Variants in MREG observed in about 807,000 individuals in gnomAD.
The protein encoded by MREG is melanoregulin, also known as dilute suppressor protein homolog.
Under a neutral mutation model 28.5 loss-of-function variants are expected in MREG, and 31 were observed. That is an observed-to-expected ratio of 1.09 (90% CI 0.82 to 1.47). The LOEUF is 1.47. MREG is among the 40% of genes most tolerant of loss of function. MREG has a pLI of 0.00. For synonymous variants in MREG, 106 were observed against 95.2 expected, an observed-to-expected ratio of 1.11 and a Z score of -0.66; for missense variants, 256 against 257.4, an observed-to-expected ratio of 0.99 and a Z score of 0.04.
chr2:216,032,881 T>G (rs1481417075), exon 1 of MREG: 1 of 146,106 alleles, frequency 6.8e-6, no homozygotes, highest in African/African-American at 2.4e-5. Flanking sequence ...AAACAAGGAG[T>G]GCAGAAGAAA....
At position 215,975,008 on chromosome 2, in the gene MREG, T is replaced by TTTTATATATATATATATATATATA. The variant is rs143806765; in HGVS notation, c.255+21297_255+21298insTATATATATATATATATATATAAA. 1.6e-4 allele frequency among the ~76,000 whole-genome samples: 17 copies of TTTTATATATATATATATATATATA among 106,604 alleles called. 1 individual carries two copies. Among genetic ancestry groups the TTTTATATATATATATATATATATA allele is most frequent in the African/African-American group, 2.2e-4 (7 of 31,706 alleles). 69.9% of individuals were successfully genotyped at this position (106,604 alleles called of 152,430 possible). A position where few individuals can be genotyped will look rare whatever the true frequency, so the allele number is the denominator to read the frequency against. On this transcript the variant is annotated intron_variant, in intron 2 of 4. Coordinates refer to ENST00000263268, the MANE Select transcript of MREG (RefSeq NM_018000.3). ...GGGAGAGAATTTTATTTTATATGAA[T>TTTTATATATATATATATATATATA]TATATATATATATATATATGAAATA...
chr2:216,032,246 C>T lies in MREG; in HGVS notation c.-68+543G>A, dbSNP rs534230632. Among the ~76,000 whole-genome samples, 7 of 152,338 alleles carry T rather than the reference C, an allele frequency of 4.6e-5. No individual in the cohort carries two copies. The East Asian group carries it at 1.4e-3, about 29-fold the overall frequency. Reference sequence around the variant, plus strand: ...ACAAACTCTGACTAAACTTGTAACTCAGTCCAGAGAAATGAAAACAAAAGC... The same window carrying T: ...ACAAACTCTGACTAAACTTGTAACTTAGTCCAGAGAAATGAAAACAAAAGC... On this transcript the variant is annotated intron_variant, in intron 1 of 3. Transcript: ENST00000420348.
At chr2:215,992,030 G>T (rs1693733680) in intron 2 of MREG, among the ~76,000 whole-genome samples, 1 of 152,108 alleles carries the variant, frequency 6.6e-6, no homozygotes, top group Admixed American at 6.5e-5. Flanking sequence ...GAGGGACTCT[G>T]CCCTAACTCA....
intron 1 of MREG, among the ~76,000 whole-genome samples, chr2:216,030,800 T>TG (rs1322252339): frequency 6.6e-6 from 1 of 150,898 alleles, no homozygotes; most frequent in African/African-American, 2.4e-5. Context: ...TGACCTCAGG[T>TG]GATCTGCCTG....
chr2:215,957,693 C>T (rs1040149257), intron 2 of MREG, among the ~76,000 whole-genome samples: 2 of 152,084 alleles, frequency 1.3e-5, no homozygotes, highest in Non-Finnish European at 2.9e-5. Context: ...GAAGACTTAC[C>T]TAAGGTACCT....
Position 215,958,269 on chromosome 2 carries a change from AAAATAAAT to A in MREG, c.256-11164_256-11157del, listed in dbSNP as rs536690921. ...CTTAAAGTATAATAATAATAAAATA[AAAATAAAT>A]AAATAAATAAATAAATAAATAAAAT... On this transcript the variant is annotated intron_variant, in intron 2 of 4. Transcript: ENST00000263268. 6.1e-3 allele frequency among the ~76,000 whole-genome samples: 913 copies of A among 150,304 alleles called. 12 individuals carry two copies. The highest frequency in any genetic ancestry group is 0.02 in the African/African-American group (803 of 40,978).
At chr2:215,981,558 G>A (rs1185050742) in intron 2 of MREG, among the ~76,000 whole-genome samples, 1 of 152,138 alleles carries the variant, frequency 6.6e-6, no homozygotes. Flanking sequence ...TTCTGGAGAT[G>A]CATAATGGTG....
intron 2 of MREG, among the ~76,000 whole-genome samples, chr2:215,952,345 G>A (rs760765623): frequency 1.3e-5 from 2 of 151,558 alleles, no homozygotes; most frequent in African/African-American, 2.4e-5. Context: ...ACGTGAACGC[G>A]CACACACACA....
chr2:216,005,937 A>T (rs971387437), intron 1 of MREG, among the ~76,000 whole-genome samples: 2 of 151,930 alleles, frequency 1.3e-5, no homozygotes, highest in African/African-American at 4.8e-5. Flanking sequence ...CACCAAAATT[A>T]TTTCCTAAAA....
rs1423060560 is a variant in MREG, at chr2:215,943,077, C to T, written c.*1786G>A. The stretch of plus-strand genomic sequence containing the variant: ...AAACATTGTGGACGCTACCAAAAAG[C>T]TCATTGGTATATAAAAATTTTCAAG... On this transcript the variant is annotated 3_prime_UTR_variant, in exon 5 of 5. Transcript: ENST00000263268. 9 of 166,844 alleles carry T rather than the reference C, an allele frequency of 5.4e-5. No homozygotes were observed. The highest frequency in any genetic ancestry group is 2.4e-4 in the Admixed American group (4 of 16,470). The allele number at this position is 166,844 out of a possible 1,614,324, so 10.3% of individuals were successfully genotyped here. A position where few individuals can be genotyped will look rare whatever the true frequency, so the allele number is the denominator to read the frequency against.
intron 2 of MREG, among the ~76,000 whole-genome samples, chr2:215,949,069 C>G (rs146660587): frequency 7.6e-6 from 1 of 131,090 alleles, no homozygotes; most frequent in African/African-American, 2.7e-5. Flanking sequence ...ACTACTACTA[C>G]TACTACTACT....
At chr2:215,984,518 C>CAAAAAAAAAAAAAAAAAAAAAAA (rs375220091) in intron 2 of MREG, among the ~76,000 whole-genome samples, 1 of 68,064 alleles carries the variant, frequency 1.5e-5, no homozygotes, top group African/African-American at 6.9e-5. Flanking sequence ...ACCTTGTCAC[C>CAAAAAAAAAAAAAAAAAAAAAAA]AAAAAAAAAA....
chr2:215,976,733 T>C (rs1261532780), intron 2 of MREG, among the ~76,000 whole-genome samples: 1 of 152,164 alleles, frequency 6.6e-6, no homozygotes, highest in African/African-American at 2.4e-5. Flanking sequence ...TTCAACATTC[T>C]TAAAGAAAAG....
chr2:216,024,899 G>A (rs1694571982), intron 1 of MREG, among the ~76,000 whole-genome samples: 1 of 108,058 alleles, frequency 9.3e-6, no homozygotes. Context: ...AAAAAAGGAA[G>A]GGAAAGGAAG....
chr2:215,971,853 C>T (rs1335530530), intron 2 of MREG, among the ~76,000 whole-genome samples: 1 of 152,164 alleles, frequency 6.6e-6, no homozygotes, highest in Non-Finnish European at 1.5e-5. Flanking sequence ...ATATGAAGGA[C>T]AGTCTGTGTT....
chr2:215,975,627 G>C (rs975587545), intron 2 of MREG, among the ~76,000 whole-genome samples: 1 of 152,092 alleles, frequency 6.6e-6, no homozygotes, highest in African/African-American at 2.4e-5. Flanking sequence ...CAGTCCATTC[G>C]GGCAGAGATT....
At chr2:216,015,140 T>TGTG (rs55809422), upstream of MREG, among the ~76,000 whole-genome samples, 42 of 151,732 alleles carry the variant, frequency 2.8e-4, no homozygotes, top group South Asian at 6.5e-3. Context: ...CGCGCGTGCG[T>TGTG]CTGTGCGTGC....
chr2:215,957,354 G>C (rs1335594550), intron 2 of MREG, among the ~76,000 whole-genome samples: 1 of 152,072 alleles, frequency 6.6e-6, no homozygotes, highest in Non-Finnish European at 1.5e-5. Context: ...GCTTCCTCTG[G>C]GTACTTCAGT....
intron 1 of MREG, among the ~76,000 whole-genome samples, chr2:215,998,219 C>T (rs1693918623): frequency 6.6e-6 from 1 of 151,492 alleles, no homozygotes; most frequent in Non-Finnish European, 1.5e-5. Flanking sequence ...GCAGGAAAAT[C>T]GCTTGAACCG....
Sources: allele counts gnomAD v4.1 joint callset (sites outside exome capture counted in the v4.1 genomes callset), GRCh38; gene constraint gnomAD v4.1.1; transcripts MANE v1.5; gene names NCBI Gene and HGNC (gene_info 2026-07-23, HGNC 2026-07-21).